DCPH1: variants seen among roughly 807,000 people sequenced by gnomAD.
DCPH1 encodes damage control phosphatase 1.
chr6:151,458,533 G>A, the DCPH1 span: 1 of 1,612,624 alleles, frequency 6.2e-7, no homozygotes, highest in South Asian at 1.1e-5. Flanking sequence ...TTGGTAGAAT[G>A]TTACATGTAT....
At chr6:151,453,899 A>G in the DCPH1 span, among the ~76,000 whole-genome samples, 2 of 152,188 alleles carry the variant, frequency 1.3e-5, no homozygotes, top group South Asian at 4.1e-4. Flanking sequence ...TTCATTCTTG[A>G]ACACTTCTAT....
At chr6:151,459,427 CAT>C in the DCPH1 span, among the ~76,000 whole-genome samples, 2,376 of 152,208 alleles carry the variant, frequency 0.016, 58 homozygotes, top group African/African-American at 0.054. Flanking sequence ...TAAAAGTACA[CAT>C]GTTTCAAAGT....
At chr6:151,463,827 C>A in the DCPH1 span, among the ~76,000 whole-genome samples, 2 of 152,052 alleles carry the variant, frequency 1.3e-5, no homozygotes, top group African/African-American at 4.8e-5. Context: ...TTTTCTTAGG[C>A]CAATATAATA....
At chr6:151,453,384 ATACCTAC>A in the DCPH1 span, among the ~76,000 whole-genome samples, 2 of 152,250 alleles carry the variant, frequency 1.3e-5, no homozygotes, top group Non-Finnish European at 2.9e-5. Flanking sequence ...AGGACTTACT[ATACCTAC>A]TGCCTGGGAA....
At chr6:151,455,284 GAC>G in the DCPH1 span, among the ~76,000 whole-genome samples, 497 of 152,320 alleles carry the variant, frequency 3.3e-3, 10 homozygotes, top group Admixed American at 0.03. Context: ...AAAAGAAAAA[GAC>G]ACAGAGACAA....
chr6:151,462,210 TA>T, the DCPH1 span, among the ~76,000 whole-genome samples: 2 of 152,222 alleles, frequency 1.3e-5, no homozygotes, highest in Non-Finnish European at 2.9e-5. Flanking sequence ...AAAAACTTTT[TA>T]ATAAAGTGTA....
At chr6:151,452,554 C>T in the DCPH1 span, 9 of 1,611,604 alleles carry the variant, frequency 5.6e-6, no homozygotes, top group Non-Finnish European at 5.9e-6. Context: ...TGATGGCTGT[C>T]GTCCCGGCGT....
At chr6:151,455,034 C>A in the DCPH1 span, among the ~76,000 whole-genome samples, 1 of 152,116 alleles carries the variant, frequency 6.6e-6, no homozygotes, top group African/African-American at 2.4e-5. Context: ...AATTTGAGAT[C>A]TTGAGTCCTG....
At chr6:151,460,651 G>C in the DCPH1 span, among the ~76,000 whole-genome samples, 1 of 151,788 alleles carries the variant, frequency 6.6e-6, no homozygotes, top group Non-Finnish European at 1.5e-5. Flanking sequence ...GGGCGCGGTG[G>C]TGCGCACCTG....
the DCPH1 span, among the ~76,000 whole-genome samples, chr6:151,461,507 C>A: frequency 6.6e-6 from 1 of 152,112 alleles, no homozygotes; most frequent in Non-Finnish European, 1.5e-5. Context: ...CCTGTCTCTA[C>A]TAAAAATACA....
the DCPH1 span, among the ~76,000 whole-genome samples, chr6:151,463,122 A>G: frequency 6.6e-6 from 1 of 152,240 alleles, no homozygotes; most frequent in Admixed American, 6.5e-5. Context: ...ATTCAAAAAT[A>G]TAAAAACCAC....
At chr6:151,453,250 A>T in the DCPH1 span, among the ~76,000 whole-genome samples, 1 of 152,160 alleles carries the variant, frequency 6.6e-6, no homozygotes. Flanking sequence ...TATCTCCTTC[A>T]ATTTTGCGCC....
the DCPH1 span, chr6:151,454,638 T>G: frequency 6.5e-7 from 1 of 1,534,592 alleles, no homozygotes; most frequent in Non-Finnish European, 9.0e-7. Context: ...GTGAATTTTT[T>G]GAGAAACACG....
chr6:151,456,295 A>G, the DCPH1 span, among the ~76,000 whole-genome samples: 1 of 152,210 alleles, frequency 6.6e-6, no homozygotes, highest in Non-Finnish European at 1.5e-5. Context: ...GAGAGTTGAA[A>G]ACAAAAATTT....
the DCPH1 span, among the ~76,000 whole-genome samples, chr6:151,460,403 T>C: frequency 6.6e-6 from 1 of 151,244 alleles, no homozygotes; most frequent in African/African-American, 2.4e-5. Flanking sequence ...ACGCCCAGCC[T>C]ATATATTTTT....
chr6:151,460,791 AAACAAAAAAAC>A, the DCPH1 span, among the ~76,000 whole-genome samples: 1 of 151,990 alleles, frequency 6.6e-6, no homozygotes, highest in Non-Finnish European at 1.5e-5. Flanking sequence ...CTCAAAAAAA[AAACAAAAAAAC>A]AACAAAAAAA....
the DCPH1 span, chr6:151,468,591 G>C: frequency 6.8e-6 from 11 of 1,613,948 alleles, no homozygotes; most frequent in Admixed American, 8.3e-5. Context: ...CCGACTTCTT[G>C]TTGTCCTCTG....
chr6:151,459,169 A>G, the DCPH1 span, among the ~76,000 whole-genome samples: 1 of 152,216 alleles, frequency 6.6e-6, no homozygotes, highest in Non-Finnish European at 1.5e-5. Flanking sequence ...TGAATTAATT[A>G]AAGATTCCAA....
At chr6:151,468,758 T>A in the DCPH1 span, 3 of 1,614,188 alleles carry the variant, frequency 1.9e-6, no homozygotes, top group Non-Finnish European at 2.5e-6. Context: ...TATATTAAAA[T>A]GGGTAAATGG....
Sources: allele counts gnomAD v4.1 joint callset (sites outside exome capture counted in the v4.1 genomes callset), GRCh38; gene constraint gnomAD v4.1.1; transcripts MANE v1.5; gene names NCBI Gene and HGNC (gene_info 2026-07-23, HGNC 2026-07-21).